XKR7: variants seen among roughly 807,000 people sequenced by gnomAD.
XKR7 encodes XK-related protein 7.
In XKR7, 11 loss-of-function variants were observed where a neutral mutation model predicts 42.2. The ratio of observed to expected loss-of-function variants is 0.26; its 90% CI spans 0.16 to 0.43. XKR7 has a LOEUF of 0.43. Ranked by LOEUF, XKR7 falls within the 20% of genes least tolerant of loss-of-function variation. The probability of loss-of-function intolerance (pLI) is 1.00; values close to 1 mark genes in which losing one functional copy is unlikely to be tolerated. For missense variants in XKR7, 710 were observed against 802.2 expected (o/e 0.89, Z 1.39); for synonymous variants, 346 against 366.4 (o/e 0.94, Z 0.64).
intron 1 of XKR7, among the ~76,000 whole-genome samples, chr20:31,987,651 C>G (rs1175360869): frequency 6.6e-6 from 1 of 152,178 alleles, no homozygotes; most frequent in Non-Finnish European, 1.5e-5. Flanking sequence ...GACAGACCAC[C>G]AAACAGATCC....
In XKR7 at chr20:31,968,318, CG is replaced by C; in HGVS notation, c.147del (p.Pro50ArgfsTer58). The C allele has an allele frequency of 6.9e-7, 1 of 1,449,042 alleles. No homozygotes were observed. The highest frequency in any genetic ancestry group is 1.5e-5 in the South Asian group (1 of 66,224). The allele number at this position is 1,449,042 out of a possible 1,614,324, so 89.8% of individuals were successfully genotyped here. A position where few individuals can be genotyped will look rare whatever the true frequency, so the allele number is the denominator to read the frequency against. ...GPPGVVGAGG[P>X]GPRYELRDCC... is the part of the protein sequence containing the mutation. The stretch of plus-strand genomic sequence containing the variant: ...CCGGGGGTCGTCGGGGCGGGCGGCC[CG>C]GGGCCGCGCTACGAGCTGCGGGACT... On this transcript the variant is annotated frameshift_variant, in exon 1 of 3. Transcript: ENST00000562532. LOFTEE classifies it high-confidence loss of function. The surrounding 1 kb of genome is among the most constrained non-coding windows in gnomAD (Gnocchi z 4.5).
chr20:31,974,372 G>A (rs1222473266), intron 1 of XKR7, among the ~76,000 whole-genome samples: 1 of 152,060 alleles, frequency 6.6e-6, no homozygotes, highest in Non-Finnish European at 1.5e-5. Flanking sequence ...TCCTTCTTTG[G>A]TCCTCAGTCT....
rs2064583281 is a variant in XKR7, at chr20:31,994,769, T to A, written c.585-299T>A. Among the ~76,000 whole-genome samples the A allele has an allele frequency of 2.0e-5, 3 of 152,082 alleles. No individual in the cohort carries two copies. In the South Asian group the frequency reaches 6.2e-4, roughly 32 times the overall value. ...TGTAAGCTCAGCGCACTCCAAGGTG[T>A]CAGTAACCCTCCAAAGAAAGCACGC... On this transcript the variant is annotated intron_variant, in intron 1 of 2. Transcript: ENST00000562532.
At chr20:31,972,680 C>T (rs73102661) in intron 1 of XKR7, among the ~76,000 whole-genome samples, 1 of 152,300 alleles carries the variant, frequency 6.6e-6, no homozygotes, top group Non-Finnish European at 1.5e-5. Context: ...TAGTGGGAGA[C>T]GATCTGACAT....
rs561552532 is a variant in XKR7, at chr20:32,000,869, C to T, written c.*3412C>T. ...AACAGCACAGACCTCCCCACTCCCC[C>T]ACACAGGGCTCCCCAATGAGGGAGC... On this transcript the variant is annotated 3_prime_UTR_variant, in exon 3 of 3. Coordinates refer to ENST00000562532, the MANE Select transcript of XKR7 (RefSeq NM_001011718.2). 3.3e-5 allele frequency: 5 copies of T among 152,496 alleles called. No individual in the cohort carries two copies. Among genetic ancestry groups the T allele is most frequent in the Admixed American group, 1.3e-4 (2 of 15,312 alleles). The allele number at this position is 152,496 out of a possible 1,614,324, so 9.4% of individuals were successfully genotyped here. A position where few individuals can be genotyped will look rare whatever the true frequency, so the allele number is the denominator to read the frequency against.
rs2064505597 is a variant in XKR7, at chr20:31,980,183, G to A, written c.584+11424G>A. 2.7e-5 allele frequency among the ~76,000 whole-genome samples: 4 copies of A among 150,702 alleles called. 1 individual carries two copies. Among genetic ancestry groups the A allele is most frequent in the African/African-American group, 9.8e-5 (4 of 40,754 alleles). On this transcript the variant is annotated intron_variant, in intron 1 of 2. Coordinates refer to ENST00000562532, the MANE Select transcript of XKR7 (RefSeq NM_001011718.2). ...CTGTGACTCTGTAGGGGGCTGCTAAGGAGGAGGGAGACAGCCCAGCTCCAG... is the reference window on the plus strand; with the variant it reads ...CTGTGACTCTGTAGGGGGCTGCTAAAGAGGAGGGAGACAGCCCAGCTCCAG...
intron 2 of XKR7, among the ~76,000 whole-genome samples, chr20:31,996,239 A>G (rs1305696156): frequency 6.7e-6 from 1 of 148,536 alleles, no homozygotes; most frequent in Non-Finnish European, 1.5e-5. Flanking sequence ...CCAGAGTCCT[A>G]GATGGAGGCC....
chr20:31,969,531 CTGAGT>C (rs1380104995), intron 1 of XKR7, among the ~76,000 whole-genome samples: 1 of 152,214 alleles, frequency 6.6e-6, no homozygotes, highest in Non-Finnish European at 1.5e-5. Flanking sequence ...GCCTGCTGCA[CTGAGT>C]TAAGTGGAGA....
intron 1 of XKR7, among the ~76,000 whole-genome samples, chr20:31,976,000 C>A (rs1320144476): frequency 6.6e-6 from 1 of 152,234 alleles, no homozygotes; most frequent in Non-Finnish European, 1.5e-5. Context: ...TGGCTTTGAG[C>A]AAGTCACTTA....
chr20:31,981,801 T>G (rs2064514470), intron 1 of XKR7, among the ~76,000 whole-genome samples: 1 of 151,960 alleles, frequency 6.6e-6, no homozygotes, highest in Admixed American at 6.6e-5. Context: ...TTCTCCCTCC[T>G]TCTCTGACGG....
In XKR7 at chr20:31,998,887, G is replaced by A. The variant is rs1192174168; in HGVS notation, c.*1430G>A. On this transcript the variant is annotated 3_prime_UTR_variant, in exon 3 of 3. Transcript: ENST00000562532. ...CTATTCCCATGGCCTGAACATCCTGGAGTGCCCAGGGGACTCACCCAGGGC... is the reference window on the plus strand; with the variant it reads ...CTATTCCCATGGCCTGAACATCCTGAAGTGCCCAGGGGACTCACCCAGGGC... 1 of 152,220 alleles carries A rather than the reference G, an allele frequency of 6.6e-6. No homozygotes were observed. The highest frequency in any genetic ancestry group is 1.5e-5 in the Non-Finnish European group (1 of 68,108). The allele number at this position is 152,220 out of a possible 1,614,324, so 9.4% of individuals were successfully genotyped here.
rs1568892834 is a variant in XKR7 at position 31,995,738 on chromosome 20, C to CG, written c.787+474dup. Among the ~76,000 whole-genome samples the CG allele has an allele frequency of 6.6e-6, 1 of 152,002 alleles. No homozygotes were observed. Among genetic ancestry groups the CG allele is most frequent in the African/African-American group, 2.4e-5 (1 of 41,442 alleles). On this transcript the variant is annotated intron_variant, in intron 2 of 2. Transcript: ENST00000562532. The surrounding 1 kb of genome is among the most constrained non-coding windows in gnomAD (Gnocchi z 4.1). Reference sequence around the variant, plus strand: ...AGCCTACCCCTTCACTGGGGGGCCCCGGGGGGCCCTCCCAGGCCTAGTCCT... The same window carrying CG: ...AGCCTACCCCTTCACTGGGGGGCCCCGGGGGGGCCCTCCCAGGCCTAGTCCT...
chr20:31,986,401 C>G (rs1215085738), intron 1 of XKR7, among the ~76,000 whole-genome samples: 1 of 146,508 alleles, frequency 6.8e-6, no homozygotes, highest in Non-Finnish European at 1.5e-5. Flanking sequence ...GACAGACCAC[C>G]AAACAGATCC....
Position 32,001,489 on chromosome 20 carries a change from G to A in XKR7, c.*4032G>A, listed in dbSNP as rs1264964886. 1 of 152,232 alleles carries A rather than the reference G, an allele frequency of 6.6e-6. No individual in the cohort carries two copies. The highest frequency in any genetic ancestry group is 1.5e-5 in the Non-Finnish European group (1 of 68,072). The allele number at this position is 152,232 out of a possible 1,614,324, so 9.4% of individuals were successfully genotyped here. A position where few individuals can be genotyped will look rare whatever the true frequency, so the allele number is the denominator to read the frequency against. Reference sequence around the variant, plus strand: ...TCAGCGGAAGTCAGGGACAGAGGCTGTGGCTCCCTCTGAGACTTTGCTAGT... The same window carrying A: ...TCAGCGGAAGTCAGGGACAGAGGCTATGGCTCCCTCTGAGACTTTGCTAGT... On this transcript the variant is annotated 3_prime_UTR_variant, in exon 3 of 3. Coordinates refer to ENST00000562532, the MANE Select transcript of XKR7 (RefSeq NM_001011718.2).
In XKR7 at chr20:31,968,784, C is replaced by G; in HGVS notation, c.584+25C>G. On this transcript the variant is annotated intron_variant, in intron 1 of 2. Transcript: ENST00000562532. This position sits in a 1 kb window ranked among gnomAD's most constrained non-coding sequence, Gnocchi z 4.5. Reference sequence around the variant, plus strand: ...GGTAGGAGAAGCGCAGGTGGAGGGACCTGAGCCCGAGGAGTGGGGGTGGCG... The same window carrying G: ...GGTAGGAGAAGCGCAGGTGGAGGGAGCTGAGCCCGAGGAGTGGGGGTGGCG... The G allele has an allele frequency of 1.4e-6, 2 of 1,468,820 alleles. No individual in the cohort carries two copies. Among genetic ancestry groups the G allele is most frequent in the Non-Finnish European group, 1.8e-6 (2 of 1,116,024 alleles). The allele number at this position is 1,468,820 out of a possible 1,614,324, so 91.0% of individuals were successfully genotyped here.
chr20:31,991,211 A>G (rs1411574015), intron 1 of XKR7, among the ~76,000 whole-genome samples: 2 of 152,158 alleles, frequency 1.3e-5, no homozygotes, highest in African/African-American at 2.4e-5. Context: ...CCAGCCTGAG[A>G]GAAACTTCCA....
At chr20:31,969,572 C>T (rs570566972) in intron 1 of XKR7, among the ~76,000 whole-genome samples, 47 of 152,316 alleles carry the variant, frequency 3.1e-4, no homozygotes, top group Non-Finnish European at 5.1e-4. Flanking sequence ...ACCTAGGGCT[C>T]CTCTTGAATC....
chr20:31,989,039 A>G (rs2064555978), intron 1 of XKR7, among the ~76,000 whole-genome samples: 2 of 152,168 alleles, frequency 1.3e-5, no homozygotes, highest in African/African-American at 2.4e-5. Context: ...ATGGATTCAC[A>G]GTGGGAGAAT....
At chr20:31,985,346 G>A (rs533713707) in intron 1 of XKR7, among the ~76,000 whole-genome samples, 6 of 152,254 alleles carry the variant, frequency 3.9e-5, no homozygotes, top group East Asian at 3.9e-4. Flanking sequence ...GGGGAGGGGC[G>A]AGAACACACA....
Sources: gnomAD v4.1 joint callset for allele counts (sites outside exome capture counted in the v4.1 genomes callset) on GRCh38, gnomAD v4.1.1 for gene constraint, Gnocchi (gnomAD v3.1) non-coding constraint, MANE v1.5 for transcripts, NCBI Gene and HGNC (gene_info 2026-07-23, HGNC 2026-07-21) for gene names.